CFAP54: variants seen among roughly 807,000 people sequenced by gnomAD.
The protein encoded by CFAP54 is cilia- and flagella-associated protein 54.
Under a neutral mutation model 370.4 loss-of-function variants are expected in CFAP54, and 290 were observed. That is an observed-to-expected ratio of 0.78 (90% confidence interval 0.71 to 0.86). The LOEUF is 0.86. Among genes scored for constraint, CFAP54 ranks in the 40% least tolerant of loss-of-function variants. The pLI is 0.00. For missense variants in CFAP54, 3,399 were observed against 3,528.7 expected (o/e 0.96, Z 0.93); for synonymous variants, 1,206 against 1,236.5 (o/e 0.98, Z 0.52).
chr12:96,663,806 T>G, intron 38 of CFAP54, 24 bp from the exon 39 acceptor site: 1 of 1,551,848 alleles, frequency 6.4e-7, no homozygotes, highest in Non-Finnish European at 8.9e-7. Context: ...CGACTAATAT[T>G]TGTTTTCACC....
intron 53 of CFAP54, 85 bp from the exon 54 acceptor site, chr12:96,743,646 T>C: frequency 1.3e-6 from 2 of 1,573,472 alleles, no homozygotes; most frequent in Admixed American, 3.5e-5. Context: ...CACTAGGTAC[T>C]GAATGCATAA....
Position 96,679,982 on chromosome 12 carries a change from G to A in CFAP54, c.5716+230G>A, listed in dbSNP as rs902763464. ...CTGTGAAACTATCAAACTCTCTTGA[G>A]TGTATTAGATGTGACAATATTCATT... On this transcript the variant is annotated intron_variant, in intron 40 of 67. Transcript: ENST00000524981. 3.3e-5 allele frequency among the ~76,000 whole-genome samples: 5 copies of A among 152,284 alleles called. No homozygotes were observed. In the East Asian group the frequency reaches 9.6e-4, roughly 29 times the overall value.
intron 5 of CFAP54, among the ~76,000 whole-genome samples, chr12:96,514,713 A>C (rs1210444204): frequency 1.3e-5 from 2 of 152,178 alleles, no homozygotes; most frequent in Non-Finnish European, 2.9e-5. Flanking sequence ...TCTTAAAATA[A>C]TTTCTTATTC....
At position 96,804,714 on chromosome 12, in the gene CFAP54, T is replaced by C. The variant is rs1005064210; in HGVS notation, c.8851-7022T>C. 5.3e-5 allele frequency among the ~76,000 whole-genome samples: 8 copies of C among 151,938 alleles called. 1 individual carries two copies. The East Asian group carries it at 5.8e-4, about 11-fold the overall frequency. On this transcript the variant is annotated intron_variant, in intron 63 of 67. Transcript: ENST00000524981. ...CCCAAAGCAATCTACAGGTTCAATA[T>C]TTTTCACAGATAATTAGAAAAAAAC... is the stretch of plus-strand genomic sequence containing the variant.
chr12:96,603,453 G>C (rs867011449), intron 26 of CFAP54, among the ~76,000 whole-genome samples: 3 of 152,114 alleles, frequency 2.0e-5, no homozygotes, highest in Non-Finnish European at 2.9e-5. Context: ...CTCTTCTTGA[G>C]GAGTATCTTT....
At chr12:96,611,253 C>T (rs868628822) in intron 26 of CFAP54, among the ~76,000 whole-genome samples, 73 of 152,358 alleles carry the variant, frequency 4.8e-4, no homozygotes, top group South Asian at 2.7e-3. Context: ...CTGCAGCCTC[C>T]GCTGCTGATA....
In CFAP54 at chr12:96,646,339, A is replaced by C. The variant is rs186852273; in HGVS notation, c.4548-1536A>C. 4.7e-3 allele frequency: 718 copies of C among 152,360 alleles called. 4 individuals are homozygous for C. Among genetic ancestry groups the C allele is most frequent in the African/African-American group, 0.016 (679 of 41,584 alleles). The allele number at this position is 152,360 out of a possible 1,614,324, so 9.4% of individuals were successfully genotyped here. ...ATACATTTATGCAGCCAAAAGACAC[A>C]TGAAAAAATGCTCATCATCACTGGC... is the stretch of plus-strand genomic sequence containing the variant. On this transcript the variant is annotated intron_variant, in intron 33 of 67. Transcript: ENST00000524981.
chr12:96,642,994 T>C (rs773108334), intron 32 of CFAP54, among the ~76,000 whole-genome samples: 3 of 152,190 alleles, frequency 2.0e-5, no homozygotes, highest in Non-Finnish European at 4.4e-5. Context: ...GTCGCTGATC[T>C]CCCTGAACTA....
Position 96,769,778 on chromosome 12 carries a change from G to C in CFAP54, c.8281+4560G>C, listed in dbSNP as rs1355273766. 2.6e-5 allele frequency among the ~76,000 whole-genome samples: 4 copies of C among 152,162 alleles called. No individual in the cohort carries two copies. In the East Asian group the frequency reaches 7.7e-4, roughly 29 times the overall value. On this transcript the variant is annotated intron_variant, in intron 60 of 67. Coordinates refer to ENST00000524981, the MANE Select transcript of CFAP54 (RefSeq NM_001306084.2). ...CGCTCTAAACTCACTGAGTCCCGCAGAACGTAAACACCCTACTTTGGCCTA... is the reference window on the plus strand; with the variant it reads ...CGCTCTAAACTCACTGAGTCCCGCACAACGTAAACACCCTACTTTGGCCTA...
At chr12:96,867,506 T>C (rs1021899962) in intron 67 of CFAP54, among the ~76,000 whole-genome samples, 1 of 152,162 alleles carries the variant, frequency 6.6e-6, no homozygotes, top group Non-Finnish European at 1.5e-5. Context: ...TCAACGTAAG[T>C]CTCCATCAGT....
chr12:96,695,029 C>T (rs1592712495), intron 45 of CFAP54, among the ~76,000 whole-genome samples: 1 of 151,388 alleles, frequency 6.6e-6, no homozygotes, highest in African/African-American at 2.4e-5. Flanking sequence ...TCAAAAAAAA[C>T]AAAAACAAAA....
At chr12:96,659,833 A>G (rs937103555) in intron 38 of CFAP54, among the ~76,000 whole-genome samples, 1 of 152,178 alleles carries the variant, frequency 6.6e-6, no homozygotes, top group Non-Finnish European at 1.5e-5. Flanking sequence ...TATGTGCTTG[A>G]GGTGTTGCAT....
intron 66 of CFAP54, among the ~76,000 whole-genome samples, chr12:96,846,623 C>T (rs575742424): frequency 6.2e-4 from 95 of 152,182 alleles, no homozygotes; most frequent in African/African-American, 2.2e-3. Context: ...CTCCTTTGGT[C>T]GTATAGAATG....
chr12:96,583,424 A>G (rs1956049143), intron 22 of CFAP54, among the ~76,000 whole-genome samples: 1 of 152,222 alleles, frequency 6.6e-6, no homozygotes, highest in African/African-American at 2.4e-5. Context: ...TGGATGTAAG[A>G]CAAAATGCCA....
chr12:96,497,569 C>T (rs1954969599), intron 1 of CFAP54, among the ~76,000 whole-genome samples: 1 of 152,176 alleles, frequency 6.6e-6, no homozygotes, highest in Admixed American at 6.5e-5. Context: ...ATTAGCAAGG[C>T]ACATTCCTTG....
intron 39 of CFAP54, among the ~76,000 whole-genome samples, chr12:96,673,171 AT>A (rs1393949149): frequency 6.6e-6 from 1 of 152,180 alleles, no homozygotes; most frequent in Non-Finnish European, 1.5e-5. Flanking sequence ...AGCTTCTTTA[AT>A]TTTTACAGTC....
intron 12 of CFAP54, among the ~76,000 whole-genome samples, chr12:96,537,532 G>C (rs1285492766): frequency 6.6e-6 from 1 of 152,028 alleles, no homozygotes; most frequent in Non-Finnish European, 1.5e-5. Context: ...AGTAGAGATA[G>C]GGTTTCGCCA....
chr12:96,726,893 T>C (rs998675104), intron 50 of CFAP54, among the ~76,000 whole-genome samples: 1 of 151,946 alleles, frequency 6.6e-6, no homozygotes, highest in African/African-American at 2.4e-5. Context: ...TCTCATTGGT[T>C]TCAAAGAACA....
At chr12:96,522,290 C>T in intron 8 of CFAP54, 101 bp downstream of exon 8, 5 of 791,670 alleles carry the variant, frequency 6.3e-6, no homozygotes, top group Non-Finnish European at 9.7e-6. Flanking sequence ...TTAAATTCTG[C>T]CCCCAGTTCT....
Sources: allele counts gnomAD v4.1 joint callset (sites outside exome capture counted in the v4.1 genomes callset), GRCh38; gene constraint gnomAD v4.1.1; transcripts MANE v1.5; gene names NCBI Gene and HGNC (gene_info 2026-07-23, HGNC 2026-07-21).